The following SEL1L2 variants were observed in gnomAD, a reference collection of about 807,000 sequenced individuals.
The protein encoded by SEL1L2 is SEL1L2 adaptor subunit of SYVN1 ubiquitin ligase, also known as protein sel-1 homolog 2.
In SEL1L2, 89 loss-of-function variants were observed where a neutral mutation model predicts 98.8. The ratio of observed to expected loss-of-function variants is 0.90; its 90% CI spans 0.76 to 1.07. SEL1L2 has a LOEUF of 1.07. Ranked by LOEUF, SEL1L2 falls within the 50% of genes least tolerant of loss-of-function variation. The pLI is 0.00. For missense variants in SEL1L2, 788 were observed against 812.0 expected, an observed-to-expected ratio of 0.97 and a Z score of 0.36; for synonymous variants, 262 against 278.5, an observed-to-expected ratio of 0.94 and a Z score of 0.59.
chr20:13,928,482 A>T (rs1045832621), intron 3 of SEL1L2, among the ~76,000 whole-genome samples: 1 of 152,166 alleles, frequency 6.6e-6, no homozygotes, highest in Admixed American at 6.5e-5. Context: ...GCAGATTTTT[A>T]TCTTATCTAT....
At chr20:13,906,559 A>C (rs1428292626) in intron 5 of SEL1L2, among the ~76,000 whole-genome samples, 1 of 152,200 alleles carries the variant, frequency 6.6e-6, no homozygotes, top group Non-Finnish European at 1.5e-5. Flanking sequence ...GAAATGCTCA[A>C]TGCAGGTAAT....
chr20:13,920,336 G>C (rs1323911540), intron 3 of SEL1L2, among the ~76,000 whole-genome samples: 2 of 151,858 alleles, frequency 1.3e-5, no homozygotes, highest in Non-Finnish European at 2.9e-5. Flanking sequence ...AACTTGCCTC[G>C]TAGGATGAGG....
chr20:13,921,329 G>A (rs1259298128), intron 3 of SEL1L2, among the ~76,000 whole-genome samples: 2 of 152,076 alleles, frequency 1.3e-5, no homozygotes, highest in Non-Finnish European at 2.9e-5. Context: ...ATGCCACCAC[G>A]CCCAGCTAAT....
chr20:13,919,501 T>C (rs775370533), intron 3 of SEL1L2, among the ~76,000 whole-genome samples: 12 of 152,170 alleles, frequency 7.9e-5, no homozygotes, highest in Non-Finnish European at 1.5e-4. Context: ...GCAAAGACTC[T>C]CTTGTCTGAG....
chr20:13,853,076 A>G (rs1988538005), intron 18 of SEL1L2, among the ~76,000 whole-genome samples: 1 of 152,222 alleles, frequency 6.6e-6, no homozygotes, highest in Non-Finnish European at 1.5e-5. Flanking sequence ...TTTCATGTAT[A>G]TTCACATATA....
intron 14 of SEL1L2, 42 bp downstream of exon 14, chr20:13,869,461 A>T (rs768485737): frequency 7.2e-7 from 1 of 1,385,296 alleles, no homozygotes; most frequent in African/African-American, 1.4e-5. Context: ...TTAATAATGC[A>T]TATGTCATTC....
At chr20:13,981,043 G>A (rs1202116979) in intron 1 of SEL1L2, among the ~76,000 whole-genome samples, 2 of 152,182 alleles carry the variant, frequency 1.3e-5, no homozygotes, top group East Asian at 1.9e-4. Flanking sequence ...AGAAGTTTGA[G>A]AGCAGCCTTG....
chr20:13,964,888 TAC>T (rs2050968876), intron 1 of SEL1L2, among the ~76,000 whole-genome samples: 1 of 152,214 alleles, frequency 6.6e-6, no homozygotes, highest in South Asian at 2.1e-4. Context: ...TGCTTAGCTT[TAC>T]AGTCTTTCTT....
At chr20:13,866,933 T>G (rs1991140596) in intron 14 of SEL1L2, 83 bp from the exon 15 acceptor site, 3 of 1,277,632 alleles carry the variant, frequency 2.3e-6, no homozygotes, top group Non-Finnish European at 3.1e-6. Flanking sequence ...GTCATAGTGA[T>G]GCCTGCTATT....
rs567634016 is a variant in SEL1L2, at chr20:13,856,240, G to A, written c.1818+3022C>T. On this transcript the variant is annotated intron_variant, in intron 18 of 19. Coordinates refer to ENST00000284951, the MANE Select transcript of SEL1L2 (RefSeq NM_025229.2). The stretch of plus-strand genomic sequence containing the variant: ...TGCCTTCGGGGTTCAAGCTATTCTC[G>A]TGCCTCAGCTTCCCAAGTAGCTGGG... 9.2e-5 allele frequency among the ~76,000 whole-genome samples: 14 copies of A among 151,888 alleles called. No individual in the cohort carries two copies. In the East Asian group the frequency reaches 1.6e-3, roughly 17 times the overall value.
intron 8 of SEL1L2, among the ~76,000 whole-genome samples, chr20:13,886,837 G>A (rs577176919): frequency 6.6e-6 from 1 of 151,818 alleles, no homozygotes; most frequent in Non-Finnish European, 1.5e-5. Flanking sequence ...GCAGTGAGCC[G>A]AGATTGAGCC....
chr20:13,855,502 G>T (rs1035830280), intron 18 of SEL1L2, among the ~76,000 whole-genome samples: 1 of 152,154 alleles, frequency 6.6e-6, no homozygotes, highest in African/African-American at 2.4e-5. Context: ...TTTGTTAGAT[G>T]AATTATTTAT....
intron 18 of SEL1L2, among the ~76,000 whole-genome samples, chr20:13,857,249 T>C (rs922215656): frequency 2.7e-5 from 4 of 147,010 alleles, no homozygotes; most frequent in African/African-American, 1.0e-4. Flanking sequence ...AAAAAAAAAA[T>C]AGACTTGTGA....
At chr20:13,979,537 C>A (rs960253292) in intron 1 of SEL1L2, among the ~76,000 whole-genome samples, 1 of 152,002 alleles carries the variant, frequency 6.6e-6, no homozygotes, top group Non-Finnish European at 1.5e-5. Flanking sequence ...GATTATGTAT[C>A]AACGAAAAAC....
intron 10 of SEL1L2, among the ~76,000 whole-genome samples, chr20:13,885,114 G>A (rs541445779): frequency 1.1e-4 from 17 of 152,220 alleles, no homozygotes; most frequent in South Asian, 4.1e-4. Flanking sequence ...CCCCTGCCTC[G>A]ATTGCTCCTC....
At chr20:13,865,988 T>G (rs1464448007) in intron 15 of SEL1L2, among the ~76,000 whole-genome samples, 1 of 152,068 alleles carries the variant, frequency 6.6e-6, no homozygotes, top group African/African-American at 2.4e-5. Flanking sequence ...GAGAGAGGTG[T>G]GCAGAGCCCT....
intron 2 of SEL1L2, among the ~76,000 whole-genome samples, chr20:13,953,371 C>T (rs544863636): frequency 6.6e-6 from 1 of 152,166 alleles, no homozygotes; most frequent in East Asian, 1.9e-4. Flanking sequence ...TGCCGGGTAC[C>T]CTTAGCTAGC....
At chr20:13,938,522 C>A (rs2049571697) in intron 2 of SEL1L2, among the ~76,000 whole-genome samples, 1 of 152,134 alleles carries the variant, frequency 6.6e-6, no homozygotes, top group African/African-American at 2.4e-5. Context: ...TTTTTAAACA[C>A]AAGAAACTTT....
At chr20:13,926,056 C>T (rs1045651951) in intron 3 of SEL1L2, among the ~76,000 whole-genome samples, 8 of 152,226 alleles carry the variant, frequency 5.3e-5, no homozygotes, top group Non-Finnish European at 1.2e-4. Context: ...CCGTGGCTCA[C>T]GCCTGTAATC....
Sources: allele counts gnomAD v4.1 joint callset (sites outside exome capture counted in the v4.1 genomes callset), GRCh38; gene constraint gnomAD v4.1.1; transcripts MANE v1.5; gene names NCBI Gene and HGNC (gene_info 2026-07-23, HGNC 2026-07-21).